Variants in EEPD1 observed in about 807,000 individuals in gnomAD.
The protein encoded by EEPD1 is endonuclease/exonuclease/phosphatase family domain containing 1, also known as endonuclease/exonuclease/phosphatase family domain-containing protein 1.
Under a neutral mutation model 46.3 loss-of-function variants are expected in EEPD1, and 17 were observed. The ratio of observed to expected loss-of-function variants is 0.37; its 90% CI spans 0.25 to 0.55. The LOEUF (loss-of-function observed/expected upper bound fraction) is 0.55, where lower values mean the gene tolerates loss of function less well. EEPD1 is among the 20% of genes least tolerant of loss of function. The pLI, the probability that EEPD1 is intolerant of heterozygous loss-of-function variation, is 0.83. For synonymous variants in EEPD1, 313 were observed against 315.6 expected, an observed-to-expected ratio of 0.99 and a Z score of 0.09; for missense variants, 673 against 745.6, an observed-to-expected ratio of 0.90 and a Z score of 1.13.
intron 2 of EEPD1, among the ~76,000 whole-genome samples, chr7:36,236,382 C>T (rs574938426): frequency 4.1e-4 from 63 of 152,360 alleles, no homozygotes; most frequent in African/African-American, 1.5e-3. Flanking sequence ...CGCCGGCCGG[C>T]ACTTGCTGGG....
intron 2 of EEPD1, among the ~76,000 whole-genome samples, chr7:36,178,772 G>A (rs1407788799): frequency 6.6e-6 from 1 of 152,188 alleles, no homozygotes; most frequent in Non-Finnish European, 1.5e-5. Context: ...AACTGTGCCT[G>A]GCACAAGGTC....
chr7:36,174,195 T>C (rs76403290), intron 2 of EEPD1, among the ~76,000 whole-genome samples: 6,776 of 152,252 alleles, frequency 0.045, 475 homozygotes, highest in African/African-American at 0.15. Context: ...TTGCGTCTTG[T>C]TCCCGATTAC....
Position 36,275,740 on chromosome 7 carries a change from G to A in EEPD1, c.931-5375G>A, listed in dbSNP as rs78882389. ...CTTCCAAAGTATTGGGATTACAGGT[G>A]TGAGCCACTGCGCCCGAACCACCTT... On this transcript the variant is annotated intron_variant, in intron 3 of 7. Coordinates refer to ENST00000242108, the MANE Select transcript of EEPD1 (RefSeq NM_030636.3). 1.4e-3 allele frequency among the ~76,000 whole-genome samples: 208 copies of A among 152,330 alleles called. 5 individuals are homozygous for A. The East Asian group carries it at 0.035, about 26-fold the overall frequency.
intron 2 of EEPD1, among the ~76,000 whole-genome samples, chr7:36,233,280 A>G (rs1786370143): frequency 6.6e-6 from 1 of 152,260 alleles, no homozygotes; most frequent in Non-Finnish European, 1.5e-5. Flanking sequence ...AATGACAGTC[A>G]GTTACATAAT....
intron 2 of EEPD1, among the ~76,000 whole-genome samples, chr7:36,195,837 C>T (rs1360326026): frequency 1.3e-5 from 2 of 152,170 alleles, no homozygotes; most frequent in Non-Finnish European, 2.9e-5. Context: ...ATAGATATTT[C>T]AAAACATTAT....
At chr7:36,298,389 A>G (rs1787558842) in intron 7 of EEPD1, among the ~76,000 whole-genome samples, 1 of 152,248 alleles carries the variant, frequency 6.6e-6, no homozygotes, top group Admixed American at 6.5e-5. Context: ...AGCTCCACCC[A>G]GAATCTAGGC....
chr7:36,245,086 C>T (rs1455575029), intron 3 of EEPD1, among the ~76,000 whole-genome samples: 2 of 152,030 alleles, frequency 1.3e-5, no homozygotes, highest in African/African-American at 4.8e-5. Flanking sequence ...GCTGGGATTA[C>T]AGGTGCCTGC....
chr7:36,198,827 G>A (rs1415831234), intron 2 of EEPD1, among the ~76,000 whole-genome samples: 1 of 152,004 alleles, frequency 6.6e-6, no homozygotes, highest in African/African-American at 2.4e-5. Context: ...CGGTCACTCT[G>A]GTGAAGCCCG....
At chr7:36,298,447 T>G (rs1003257078) in intron 7 of EEPD1, among the ~76,000 whole-genome samples, 2 of 152,244 alleles carry the variant, frequency 1.3e-5, no homozygotes, top group African/African-American at 2.4e-5. Context: ...CTAGCTATTC[T>G]GTAGTTGTTT....
chr7:36,197,773 C>CCTAGGTT (rs1785634906), intron 2 of EEPD1, among the ~76,000 whole-genome samples: 5 of 152,232 alleles, frequency 3.3e-5, no homozygotes, highest in Middle Eastern at 3.4e-3. Flanking sequence ...GACACAAACA[C>CCTAGGTT]TCTGCCTAGG....
rs1167553885 is a variant in EEPD1 at position 36,193,784 on chromosome 7, G to A, written c.878+38582G>A. Among the ~76,000 whole-genome samples the A allele has an allele frequency of 1.3e-5, 2 of 152,218 alleles. No homozygotes were observed. On this transcript the variant is annotated intron_variant, in intron 2 of 7. Coordinates refer to ENST00000242108, the MANE Select transcript of EEPD1 (RefSeq NM_030636.3). This position sits in a 1 kb window ranked among gnomAD's most constrained non-coding sequence, Gnocchi z 4.9. ...CGTGGTCAGCAGGTGGCCAGCGGCA[G>A]AGCGGCCACACCCATCCTGGTGCCC...
At chr7:36,158,559 G>A (rs1036589555) in intron 2 of EEPD1, among the ~76,000 whole-genome samples, 4 of 152,170 alleles carry the variant, frequency 2.6e-5, no homozygotes, top group African/African-American at 4.8e-5. Flanking sequence ...CAAGTGAGGC[G>A]TGAGGTAGGA....
Position 36,298,764 on chromosome 7 carries a change from G to A in EEPD1, c.1511-243G>A, listed in dbSNP as rs372550289. 1.4e-4 allele frequency among the ~76,000 whole-genome samples: 22 copies of A among 152,328 alleles called. No homozygotes were observed. The East Asian group carries it at 4.1e-3, about 28-fold the overall frequency. ...CCATGTGTGTCTGGATGGACAGGAG[G>A]CCTGGCCTCTGGGTGTTTTCACTGC... On this transcript the variant is annotated intron_variant, in intron 7 of 7. Transcript: ENST00000242108.
At chr7:36,161,029 A>G (rs1391213851) in intron 2 of EEPD1, among the ~76,000 whole-genome samples, 2 of 152,186 alleles carry the variant, frequency 1.3e-5, no homozygotes, top group Non-Finnish European at 2.9e-5. Flanking sequence ...ACTTAGGTCC[A>G]TAGCAGATGG....
intron 2 of EEPD1, among the ~76,000 whole-genome samples, chr7:36,234,935 C>CCACAG (rs1786404585): frequency 1.4e-5 from 2 of 147,908 alleles, no homozygotes; most frequent in African/African-American, 5.0e-5. Context: ...CAGGCCTCCC[C>CCACAG]CATGGCCTCC....
At chr7:36,205,406 A>T (rs1785794050) in intron 2 of EEPD1, among the ~76,000 whole-genome samples, 1 of 152,196 alleles carries the variant, frequency 6.6e-6, no homozygotes, top group African/African-American at 2.4e-5. Flanking sequence ...TCATCTCCTT[A>T]CACATTGTAT....
intron 2 of EEPD1, among the ~76,000 whole-genome samples, chr7:36,182,265 A>G (rs760342823): frequency 6.6e-6 from 1 of 152,252 alleles, no homozygotes; most frequent in Non-Finnish European, 1.5e-5. Context: ...AGAACAATAT[A>G]TATCTTCTTT....
chr7:36,261,117 T>C (rs1786915141), intron 3 of EEPD1, among the ~76,000 whole-genome samples: 1 of 152,200 alleles, frequency 6.6e-6, no homozygotes, highest in African/African-American at 2.4e-5. Flanking sequence ...TGTGTGGATG[T>C]GTGCATGGAC....
chr7:36,270,179 A>G lies in EEPD1; in HGVS notation c.931-10936A>G, dbSNP rs116914692. 1.2e-4 allele frequency among the ~76,000 whole-genome samples: 18 copies of G among 152,336 alleles called. No homozygotes were observed. The East Asian group carries it at 2.5e-3, about 21-fold the overall frequency. ...TAAAATGCACAGGAAACAGCCTAGA[A>G]GGAATTCCACCAAAAATATTAGCAG... On this transcript the variant is annotated intron_variant, in intron 3 of 7. Coordinates refer to ENST00000242108, the MANE Select transcript of EEPD1 (RefSeq NM_030636.3).
Sources: gnomAD v4.1 joint callset for allele counts (sites outside exome capture counted in the v4.1 genomes callset) on GRCh38, gnomAD v4.1.1 for gene constraint, Gnocchi (gnomAD v3.1) non-coding constraint, MANE v1.5 for transcripts, NCBI Gene and HGNC (gene_info 2026-07-23, HGNC 2026-07-21) for gene names.